Variants in F13A1 observed in about 807,000 individuals in gnomAD.
The protein encoded by F13A1 is coagulation factor XIII A chain.
Under a neutral mutation model 80.1 loss-of-function variants are expected in F13A1, and 47 were observed. The observed-to-expected ratio is 0.59, with a 90% CI of 0.46 to 0.75. The LOEUF (loss-of-function observed/expected upper bound fraction) is 0.75. F13A1 is among the 30% of genes least tolerant of loss of function. F13A1 has a pLI of 0.00. For synonymous variants in F13A1, 349 were observed against 344.9 expected (o/e 1.01, Z -0.13); for missense variants, 817 against 930.4 (o/e 0.88, Z 1.59).
In F13A1 at chr6:6,319,663, G is replaced by T. The variant is rs3024315; in HGVS notation, c.-19+924C>A. ...GAGACTTGGCTATTTTCAAAAACCA[G>T]GCACACCCCCAAGAGGTGAAGAGTC... On this transcript the variant is annotated intron_variant, in intron 1 of 14. Transcript: ENST00000264870. Among the ~76,000 whole-genome samples, 1,234 of 152,244 alleles carry T rather than the reference G, an allele frequency of 8.1e-3. 23 individuals are homozygous for T. Among genetic ancestry groups the T allele is most frequent in the African/African-American group, 0.028 (1,181 of 41,506 alleles).
chr6:6,306,154 C>T (rs1758509638), intron 2 of F13A1, among the ~76,000 whole-genome samples: 2 of 152,190 alleles, frequency 1.3e-5, no homozygotes, highest in Admixed American at 1.3e-4. Context: ...GGAGAAAGGA[C>T]ACTAAGATTT....
At chr6:6,256,827 T>C (rs984043363) in intron 4 of F13A1, among the ~76,000 whole-genome samples, 2 of 152,196 alleles carry the variant, frequency 1.3e-5, no homozygotes, top group Non-Finnish European at 1.5e-5. Flanking sequence ...CTTATTTACA[T>C]GCTATTTCAA....
rs190568683 is a variant in F13A1 at position 6,197,199 on chromosome 6, C to T, written c.1216+24G>A. 169 of 1,608,570 alleles carry T rather than the reference C, an allele frequency of 1.1e-4. No individual in the cohort carries two copies. The African/African-American group carries it at 2.1e-3, about 20-fold the overall frequency. Reference sequence around the variant, plus strand: ...ACAAAGATCAGCAATGAAGCAAGTTCCCAGAGGGAGGACACAGTTTTACCA... The same window carrying T: ...ACAAAGATCAGCAATGAAGCAAGTTTCCAGAGGGAGGACACAGTTTTACCA... On this transcript the variant is annotated intron_variant, in intron 9 of 14. Coordinates refer to ENST00000264870, the MANE Select transcript of F13A1 (RefSeq NM_000129.4).
chr6:6,217,377 A>G (rs376767741), intron 8 of F13A1, among the ~76,000 whole-genome samples: 1 of 151,936 alleles, frequency 6.6e-6, no homozygotes, highest in Non-Finnish European at 1.5e-5. Context: ...TGTCCTTTGT[A>G]GGGACATGGA....
chr6:6,165,919 A>C (rs1260740263), intron 13 of F13A1, among the ~76,000 whole-genome samples: 1 of 152,248 alleles, frequency 6.6e-6, no homozygotes, highest in Non-Finnish European at 1.5e-5. Flanking sequence ...GAAGGAAACA[A>C]AGAGACATGA....
intron 3 of F13A1, among the ~76,000 whole-genome samples, chr6:6,285,803 A>G (rs1047831115): frequency 6.6e-6 from 1 of 152,162 alleles, no homozygotes; most frequent in African/African-American, 2.4e-5. Flanking sequence ...CCCAATAAAC[A>G]GAAATACCTG....
intron 2 of F13A1, among the ~76,000 whole-genome samples, chr6:6,313,300 T>TTTTTTTTTTTTTTTTTTTTTA (rs57779696): frequency 9.9e-6 from 1 of 101,028 alleles, no homozygotes; most frequent in African/African-American, 4.0e-5. Context: ...TTTTTTTTTT[T>TTTTTTTTTTTTTTTTTTTTTA]AAATACGGTA....
Position 6,287,758 on chromosome 6 carries a change from A to C in F13A1, c.319+17593T>G, listed in dbSNP as rs144801497. Among the ~76,000 whole-genome samples the C allele has an allele frequency of 4.7e-4, 71 of 152,318 alleles. 1 individual carries two copies. Among genetic ancestry groups the C allele is most frequent in the Admixed American group, 3.7e-3 (57 of 15,300 alleles). ...ATGGATGGCAATCCCACCTACTTTGAGATTAAACTGTTTCTGTCACTTCAG... is the reference window on the plus strand; with the variant it reads ...ATGGATGGCAATCCCACCTACTTTGCGATTAAACTGTTTCTGTCACTTCAG... On this transcript the variant is annotated intron_variant, in intron 3 of 14. Transcript: ENST00000264870.
chr6:6,198,654 A>G (rs1761334567), intron 8 of F13A1, among the ~76,000 whole-genome samples: 1 of 152,172 alleles, frequency 6.6e-6, no homozygotes, highest in African/African-American at 2.4e-5. Flanking sequence ...ATAGATTCTT[A>G]CCCATAAAGG....
At chr6:6,270,912 A>G (rs1757911116) in intron 3 of F13A1, among the ~76,000 whole-genome samples, 1 of 152,192 alleles carries the variant, frequency 6.6e-6, no homozygotes, top group Admixed American at 6.5e-5. Flanking sequence ...CCAGGTGGAG[A>G]GAACCTGCAT....
At chr6:6,208,825 T>G (rs1452447701) in intron 8 of F13A1, among the ~76,000 whole-genome samples, 1 of 152,138 alleles carries the variant, frequency 6.6e-6, no homozygotes, top group African/African-American at 2.4e-5. Context: ...CATACATACA[T>G]AAAAAGTTAA....
intron 3 of F13A1, among the ~76,000 whole-genome samples, chr6:6,285,701 G>A (rs1470445327): frequency 1.3e-5 from 2 of 152,224 alleles, no homozygotes; most frequent in Non-Finnish European, 2.9e-5. Context: ...GCACACACCA[G>A]GAATGGCAGG....
rs1262354913 is a variant in F13A1, at chr6:6,294,876, C to T, written c.319+10475G>A. On this transcript the variant is annotated intron_variant, in intron 3 of 14. Coordinates refer to ENST00000264870, the MANE Select transcript of F13A1 (RefSeq NM_000129.4). ...GTCATCCAGCATTAGGTATATCTCCCAATGCTATCCCTCCCCCCTCCCCCC... is the reference window on the plus strand; with the variant it reads ...GTCATCCAGCATTAGGTATATCTCCTAATGCTATCCCTCCCCCCTCCCCCC... 2.8e-4 allele frequency among the ~76,000 whole-genome samples: 41 copies of T among 144,120 alleles called. No homozygotes were observed. In the East Asian group the frequency reaches 8.1e-3, roughly 29 times the overall value. The allele number at this position is 144,120 out of a possible 152,430, so 94.5% of individuals were successfully genotyped here.
chr6:6,262,940 A>C (rs1283420820), intron 4 of F13A1, among the ~76,000 whole-genome samples: 2 of 151,764 alleles, frequency 1.3e-5, no homozygotes, highest in South Asian at 2.1e-4. Flanking sequence ...ACTTTAAAAA[A>C]CCCCAAAGCC....
chr6:6,217,822 C>T (rs1286794806), intron 8 of F13A1, among the ~76,000 whole-genome samples: 1 of 151,912 alleles, frequency 6.6e-6, no homozygotes, highest in African/African-American at 2.4e-5. Flanking sequence ...GGGCAGTGTC[C>T]CAGGTGTGAA....
intron 2 of F13A1, 26 bp downstream of exon 2, chr6:6,318,509 G>A (rs1758718704): frequency 6.2e-7 from 1 of 1,606,372 alleles, no homozygotes; most frequent in Non-Finnish European, 8.5e-7. Flanking sequence ...GACCCAGAGT[G>A]GTGGGGAAGG....
chr6:6,264,093 C>T (rs908120647), intron 4 of F13A1, among the ~76,000 whole-genome samples: 20 of 152,168 alleles, frequency 1.3e-4, no homozygotes, highest in African/African-American at 4.8e-4. Context: ...AGCTGCTCAT[C>T]ATGGATACAA....
Position 6,167,490 on chromosome 6 carries a change from T to C in F13A1, c.1876A>G (p.Thr626Ala), listed in dbSNP as rs2151072765. The change falls in exon 13 of 15, where the codon ACC becomes GCC. Residue 626 changes from threonine (T) to alanine (A), a missense_variant. Physicochemically the swap from Thr to Ala is moderately conservative, Grantham distance 58 (BLOSUM62 0). Transcript: ENST00000264870. ...ATGATCTCAGGGATGGTTAGCACGG[T>C]GGACTTTTGCTTGGCCAGAACATCC... ...TRDVLAKQKS[T>A]VLTIPEIIIK... 2 of 1,614,102 alleles carry C rather than the reference T, an allele frequency of 1.2e-6. 1 individual carries two copies. The highest frequency in any genetic ancestry group is 2.2e-5 in the South Asian group (2 of 91,068).
intron 3 of F13A1, among the ~76,000 whole-genome samples, chr6:6,300,110 A>G (rs1583119553): frequency 6.9e-6 from 1 of 144,586 alleles, no homozygotes; most frequent in African/African-American, 2.9e-5. Context: ...GCCTGTTCTC[A>G]GATCTCCAGC....
Sources: allele counts gnomAD v4.1 joint callset (sites outside exome capture counted in the v4.1 genomes callset), GRCh38; gene constraint gnomAD v4.1.1; transcripts MANE v1.5; gene names NCBI Gene and HGNC (gene_info 2026-07-23, HGNC 2026-07-21).